Variants in GSDME observed in about 807,000 individuals in gnomAD.
GSDME encodes the protein gasdermin-E.
Under a neutral mutation model 47.5 loss-of-function variants are expected in GSDME, and 44 were observed. The ratio of observed to expected loss-of-function variants is 0.93; its 90% CI spans 0.73 to 1.19. The LOEUF (loss-of-function observed/expected upper bound fraction) is 1.19, where lower values mean the gene tolerates loss of function less well. GSDME is among the 50% of genes most tolerant of loss of function. The probability of loss-of-function intolerance (pLI) is 0.00; values close to 1 mark genes in which losing one functional copy is unlikely to be tolerated. For synonymous variants in GSDME, 258 were observed against 252.8 expected (o/e 1.02, Z -0.20); for missense variants, 663 against 604.2 (o/e 1.10, Z -1.02).
At chr7:24,706,012 AG>A (rs1253105563) in intron 8 of GSDME, 171 bp downstream of exon 8, 2 of 706,632 alleles carry the variant, frequency 2.8e-6, no homozygotes, top group Admixed American at 4.4e-5. Context: ...TCGAGACCGA[AG>A]GGGGGTTTCC....
chr7:24,783,069 G>A, the GSDME span, among the ~76,000 whole-genome samples: 1 of 152,184 alleles, frequency 6.6e-6, no homozygotes, highest in East Asian at 1.9e-4. Flanking sequence ...GCATTATCCT[G>A]TTGTACTCTC....
rs1788721329 is a variant in GSDME at position 24,698,422 on chromosome 7, A to C, written c.*604T>G. The C allele has an allele frequency of 6.1e-6, 1 of 164,526 alleles. No individual in the cohort carries two copies. Among genetic ancestry groups the C allele is most frequent in the Non-Finnish European group, 1.3e-5 (1 of 75,564 alleles). The allele number at this position is 164,526 out of a possible 1,614,324, so 10.2% of individuals were successfully genotyped here. ...GGAAATCAACATGTGCTAGACATAG[A>C]ATTAGTATGTTCACTGAAGCATGGC... is the stretch of plus-strand genomic sequence containing the variant. On this transcript the variant is annotated 3_prime_UTR_variant, in exon 10 of 10. Transcript: ENST00000645220.
At chr7:24,715,938 G>A (rs779871645) in intron 5 of GSDME, among the ~76,000 whole-genome samples, 4 of 152,286 alleles carry the variant, frequency 2.6e-5, no homozygotes, top group African/African-American at 7.2e-5. Flanking sequence ...TCTGTGCCTC[G>A]CCTGTTTCTC....
chr7:24,783,788 G>A, the GSDME span, among the ~76,000 whole-genome samples: 1 of 152,022 alleles, frequency 6.6e-6, no homozygotes, highest in Non-Finnish European at 1.5e-5. Context: ...GATTAGGGAG[G>A]GGAGGAGTCT....
the GSDME span, among the ~76,000 whole-genome samples, chr7:24,790,678 T>A: frequency 6.6e-6 from 1 of 152,162 alleles, no homozygotes; most frequent in Non-Finnish European, 1.5e-5. This position sits in a 1 kb window ranked among gnomAD's most constrained non-coding sequence, Gnocchi z 4.1. Flanking sequence ...CCCCACCAGG[T>A]GACTGTTCTT....
the GSDME span, among the ~76,000 whole-genome samples, chr7:24,789,341 G>A: frequency 6.6e-6 from 1 of 152,140 alleles, no homozygotes; most frequent in African/African-American, 2.4e-5. Flanking sequence ...AGTTGAGGAA[G>A]GAAAGGGCTT....
the GSDME span, among the ~76,000 whole-genome samples, chr7:24,794,779 CA>C: frequency 2.6e-5 from 4 of 152,036 alleles, no homozygotes; most frequent in Non-Finnish European, 5.9e-5. Context: ...TCTCAGGAGA[CA>C]AAACAACACT....
At chr7:24,708,666 CATT>C (rs1789223424) in intron 6 of GSDME, among the ~76,000 whole-genome samples, 1 of 152,224 alleles carries the variant, frequency 6.6e-6, no homozygotes, top group African/African-American at 2.4e-5. Context: ...TTCCAAAATA[CATT>C]ATTTTTCACG....
chr7:24,764,505 G>A, the GSDME span, among the ~76,000 whole-genome samples: 106 of 152,182 alleles, frequency 7.0e-4, no homozygotes, highest in Non-Finnish European at 6.6e-4. The surrounding 1 kb of genome is among the most constrained non-coding windows in gnomAD (Gnocchi z 4.4). Flanking sequence ...GGGCACACAG[G>A]GACTTCAGAA....
Position 24,716,103 on chromosome 7 carries a change from G to T in GSDME, c.697+1151C>A, listed in dbSNP as rs1046363418. ...TCTCACGGGAGACTGCCCCCCACCC[G>T]CCTTCCACAAATGGGGGAGAAGCAG... On this transcript the variant is annotated intron_variant, in intron 5 of 9. Transcript: ENST00000645220. This position sits in a 1 kb window ranked among gnomAD's most constrained non-coding sequence, Gnocchi z 4.5. 6.6e-6 allele frequency among the ~76,000 whole-genome samples: 1 copy of T among 152,188 alleles called. No homozygotes were observed. Among genetic ancestry groups the T allele is most frequent in the Non-Finnish European group, 1.5e-5 (1 of 68,028 alleles).
At chr7:24,700,930 A>G (rs1788840027) in intron 9 of GSDME, among the ~76,000 whole-genome samples, 1 of 152,176 alleles carries the variant, frequency 6.6e-6, no homozygotes, top group Non-Finnish European at 1.5e-5. Context: ...CTTTGCCCAC[A>G]GGCATTTCTA....
rs1790186019 is a variant in GSDME at position 24,732,749 on chromosome 7, A to C, written c.404+11813T>G. Among the ~76,000 whole-genome samples the C allele has an allele frequency of 6.6e-6, 1 of 152,208 alleles. No homozygotes were observed. Among genetic ancestry groups the C allele is most frequent in the Admixed American group, 6.5e-5 (1 of 15,288 alleles). ...AGCCCTAGCCAGAGGAGAATCACCCATCCCAGTGGTCAGAACCTGAGTTTT... is the reference window on the plus strand; with the variant it reads ...AGCCCTAGCCAGAGGAGAATCACCCCTCCCAGTGGTCAGAACCTGAGTTTT... On this transcript the variant is annotated intron_variant, in intron 3 of 9. Coordinates refer to ENST00000645220, the MANE Select transcript of GSDME (RefSeq NM_001127453.2). The surrounding 1 kb of genome is among the most constrained non-coding windows in gnomAD (Gnocchi z 4.8).
At chr7:24,703,218 C>T (rs1225841501) in intron 8 of GSDME, 2 of 340,776 alleles carry the variant, frequency 5.9e-6, no homozygotes, top group South Asian at 2.4e-5. Context: ...GTACACCTCT[C>T]TCAGCCTCAG....
the GSDME span, among the ~76,000 whole-genome samples, chr7:24,773,479 T>G: frequency 6.6e-6 from 1 of 152,254 alleles, no homozygotes; most frequent in South Asian, 2.1e-4. The surrounding 1 kb of genome is among the most constrained non-coding windows in gnomAD (Gnocchi z 5.4). Flanking sequence ...TCCTATTTGA[T>G]GGCAATTCAT....
At chr7:24,719,309 G>A (rs1789689693) in intron 3 of GSDME, 91 bp from the exon 4 acceptor site, 1 of 1,347,294 alleles carries the variant, frequency 7.4e-7, no homozygotes, top group African/African-American at 1.4e-5. Context: ...CAGCTGAGGA[G>A]TGAGCAGGTG....
chr7:24,766,303 T>TTTAC, the GSDME span, among the ~76,000 whole-genome samples: 1 of 151,980 alleles, frequency 6.6e-6, no homozygotes, highest in East Asian at 1.9e-4. The surrounding 1 kb of genome is among the most constrained non-coding windows in gnomAD (Gnocchi z 4.2). Context: ...TATTTATTTA[T>TTTAC]TTATTTATTT....
chr7:24,790,500 A>G, the GSDME span, among the ~76,000 whole-genome samples: 5 of 152,220 alleles, frequency 3.3e-5, no homozygotes, highest in African/African-American at 9.6e-5. The surrounding 1 kb of genome is among the most constrained non-coding windows in gnomAD (Gnocchi z 4.1). Context: ...AATAGTGCCA[A>G]TAACACAACT....
In GSDME at chr7:24,729,059, G is replaced by A. The variant is rs141123720; in HGVS notation, c.405-9841C>T. Among the ~76,000 whole-genome samples the A allele has an allele frequency of 1.2e-4, 18 of 152,230 alleles. 1 individual carries two copies. The highest frequency in any genetic ancestry group is 3.6e-4 in the African/African-American group (15 of 41,542). ...ATACCTTATCTTACTCACATACGAC[G>A]ACCCCTGGAAAGAGAAAGGAAAAAA... On this transcript the variant is annotated intron_variant, in intron 3 of 9. Coordinates refer to ENST00000645220, the MANE Select transcript of GSDME (RefSeq NM_001127453.2).
rs1425973396 is a variant in GSDME at position 24,725,263 on chromosome 7, T to C, written c.405-6045A>G. 6.6e-6 allele frequency among the ~76,000 whole-genome samples: 1 copy of C among 152,172 alleles called. No homozygotes were observed. The highest frequency in any genetic ancestry group is 1.5e-5 in the Non-Finnish European group (1 of 68,034). ...GGTTACGTTCAGTGAGATCTTGCATTAAATGACCCACACTCTACCCAGCAG... is the reference window on the plus strand; with the variant it reads ...GGTTACGTTCAGTGAGATCTTGCATCAAATGACCCACACTCTACCCAGCAG... On this transcript the variant is annotated intron_variant, in intron 3 of 9. Coordinates refer to ENST00000645220, the MANE Select transcript of GSDME (RefSeq NM_001127453.2). The surrounding 1 kb of genome is among the most constrained non-coding windows in gnomAD (Gnocchi z 5.1).
Sources: allele counts gnomAD v4.1 joint callset (sites outside exome capture counted in the v4.1 genomes callset), GRCh38; gene constraint gnomAD v4.1.1; non-coding constraint Gnocchi (gnomAD v3.1); transcripts MANE v1.5; gene names NCBI Gene and HGNC (gene_info 2026-07-23, HGNC 2026-07-21).